Variants in UBAP2L observed in about 807,000 individuals in gnomAD.
UBAP2L encodes ubiquitin-associated protein 2-like.
In UBAP2L, 12 loss-of-function variants were observed where a neutral mutation model predicts 130.6. The ratio of observed to expected loss-of-function variants is 0.09; its 90% CI spans 0.06 to 0.15. The LOEUF (loss-of-function observed/expected upper bound fraction) is 0.15. UBAP2L is among the 10% of genes least tolerant of loss of function. The probability of loss-of-function intolerance (pLI) is 1.00; values close to 1 mark genes in which losing one functional copy is unlikely to be tolerated. For synonymous variants in UBAP2L, 503 were observed against 524.7 expected, an observed-to-expected ratio of 0.96 and a Z score of 0.57; for missense variants, 965 against 1,332.5, an observed-to-expected ratio of 0.72 and a Z score of 4.29.
At chr1:154,226,645 T>C (rs1165787662) in intron 2 of UBAP2L, among the ~76,000 whole-genome samples, 2 of 152,210 alleles carry the variant, frequency 1.3e-5, no homozygotes, top group Admixed American at 6.5e-5. Context: ...CGTTGGTTAT[T>C]ACAGAAATAA....
At chr1:154,263,021 C>A in intron 24 of UBAP2L, 2 of 1,342,372 alleles carry the variant, frequency 1.5e-6, no homozygotes, top group Admixed American at 2.4e-5. Context: ...TTATATCAGC[C>A]CTTGAGAACC....
At chr1:154,251,408 G>A in intron 13 of UBAP2L, 73 bp from the exon 14 acceptor site, 3 of 1,571,528 alleles carry the variant, frequency 1.9e-6, no homozygotes, top group Non-Finnish European at 2.6e-6. Context: ...GAAATTTAAA[G>A]GGAAGGGTTT....
intron 2 of UBAP2L, among the ~76,000 whole-genome samples, chr1:154,225,837 G>A (rs1667750021): frequency 6.6e-6 from 1 of 152,152 alleles, no homozygotes; most frequent in South Asian, 2.1e-4. Flanking sequence ...TTTTTGAGAC[G>A]GAGTCTCGCT....
At chr1:154,238,233 G>C (rs755483285) in intron 8 of UBAP2L, among the ~76,000 whole-genome samples, 1 of 152,166 alleles carries the variant, frequency 6.6e-6, no homozygotes, top group African/African-American at 2.4e-5. Flanking sequence ...TTCATGGGTG[G>C]AGGCTGAAGT....
chr1:154,251,764 G>GGCTT, intron 14 of UBAP2L, 111 bp downstream of exon 14: 3 of 1,227,406 alleles, frequency 2.4e-6, no homozygotes, highest in Non-Finnish European at 3.4e-6. Context: ...ATGGCTGAGG[G>GGCTT]GGAAAGTAGT....
In UBAP2L at chr1:154,257,110, T is replaced by C. The variant is rs1448443046; in HGVS notation, c.2205T>C (p.Thr735=). ...CGAATCTCCATTCTTCCTCCAGCACTTTTTCCACCACATCCAGCACAGTCT... is the reference window on the plus strand; with the variant it reads ...CGAATCTCCATTCTTCCTCCAGCACCTTTTCCACCACATCCAGCACAGTCT... ...SEANLHSSSS[T]FSTTSSTVSA... is the part of the protein sequence containing the mutation. The change falls in exon 19 of 27, where the codon ACT becomes ACC. Residue 735 remains threonine (T), a synonymous_variant. Coordinates refer to ENST00000428931, the MANE Select transcript of UBAP2L (RefSeq NM_014847.4). 5.6e-6 allele frequency: 9 copies of C among 1,614,056 alleles called. No individual in the cohort carries two copies. Among genetic ancestry groups the C allele is most frequent in the African/African-American group, 1.3e-5 (1 of 75,050 alleles).
intron 24 of UBAP2L, among the ~76,000 whole-genome samples, chr1:154,264,117 T>TAATTC (rs1682493519): frequency 6.6e-6 from 1 of 152,260 alleles, no homozygotes; most frequent in African/African-American, 2.4e-5. Flanking sequence ...ATGGAAATTC[T>TAATTC]AATTCCCTCC....
chr1:154,263,017 C>T (rs1682081037), intron 24 of UBAP2L: 1 of 1,295,368 alleles, frequency 7.7e-7, no homozygotes, highest in African/African-American at 1.5e-5. Flanking sequence ...CGTATTATAT[C>T]AGCCCTTGAG....
chr1:154,255,031 A>G, intron 16 of UBAP2L, 121 bp from the exon 17 acceptor site: 1 of 1,409,136 alleles, frequency 7.1e-7, no homozygotes, highest in Non-Finnish European at 9.7e-7. Flanking sequence ...ATTCTACCTA[A>G]TATAGTCCAT....
At chr1:154,266,151 T>A (rs1361661248) in intron 24 of UBAP2L, among the ~76,000 whole-genome samples, 1 of 152,142 alleles carries the variant, frequency 6.6e-6, no homozygotes, top group East Asian at 1.9e-4. Context: ...TGATTTGAAA[T>A]GGACATTAAA....
At chr1:154,235,877 G>A (rs1671505578) in intron 6 of UBAP2L, among the ~76,000 whole-genome samples, 1 of 151,312 alleles carries the variant, frequency 6.6e-6, no homozygotes, top group African/African-American at 2.5e-5. Context: ...TGAGGTTATA[G>A]GTGTGAGAGA....
At chr1:154,230,748 T>C (rs1669577189) in intron 4 of UBAP2L, among the ~76,000 whole-genome samples, 1 of 152,220 alleles carries the variant, frequency 6.6e-6, no homozygotes, top group Admixed American at 6.5e-5. Context: ...AACTAGCTAC[T>C]AGTGAAACCA....
chr1:154,233,019 T>C (rs1670363566), intron 4 of UBAP2L, among the ~76,000 whole-genome samples: 1 of 145,944 alleles, frequency 6.9e-6, no homozygotes, highest in Non-Finnish European at 1.5e-5. Flanking sequence ...CCTTTTTTTC[T>C]TTTTTTTTTT....
At chr1:154,226,321 A>C (rs1486630153) in intron 2 of UBAP2L, among the ~76,000 whole-genome samples, 2 of 152,276 alleles carry the variant, frequency 1.3e-5, no homozygotes, top group African/African-American at 2.4e-5. Context: ...AGTTTTAAAG[A>C]GTAAATTAAC....
At chr1:154,269,754 C>T (rs1028454358) in intron 26 of UBAP2L, 2 of 246,114 alleles carry the variant, frequency 8.1e-6, no homozygotes, top group African/African-American at 2.3e-5. Context: ...ATCTGTGGGG[C>T]GATGCAAGTG....
chr1:154,232,018 A>G (rs1669988664), intron 4 of UBAP2L, among the ~76,000 whole-genome samples: 1 of 152,088 alleles, frequency 6.6e-6, no homozygotes, highest in Admixed American at 6.6e-5. Flanking sequence ...GCCATGATTG[A>G]GTTTGATGGT....
chr1:154,220,298 G>A (rs765207763), upstream of UBAP2L: 7 of 1,608,356 alleles, frequency 4.4e-6, no homozygotes, highest in South Asian at 3.3e-5. Context: ...GGTCTCTACT[G>A]GGTAAGATGC....
chr1:154,227,272 C>G lies in UBAP2L; in HGVS notation c.91-10C>G, dbSNP rs79399896. The G allele has an allele frequency of 9.1e-4, 1,470 of 1,612,444 alleles. 24 individuals are homozygous for G. In the East Asian group the frequency reaches 0.032, roughly 35 times the overall value. Reference sequence around the variant, plus strand: ...TGATTATGCTTTCTTGATCTCATCTCAATTCCTAGGCCACTGCAGAACAAA... The same window carrying G: ...TGATTATGCTTTCTTGATCTCATCTGAATTCCTAGGCCACTGCAGAACAAA... On this transcript the variant is annotated splice_polypyrimidine_tract_variant and intron_variant, in intron 2 of 26. Transcript: ENST00000428931.
chr1:154,242,060 T>C (rs1471296334), intron 9 of UBAP2L, among the ~76,000 whole-genome samples: 1 of 152,174 alleles, frequency 6.6e-6, no homozygotes. Flanking sequence ...AACTGTATAA[T>C]TGTGATTGAG....
Sources: gnomAD v4.1 joint callset for allele counts (sites outside exome capture counted in the v4.1 genomes callset) on GRCh38, gnomAD v4.1.1 for gene constraint, MANE v1.5 for transcripts, NCBI Gene and HGNC (gene_info 2026-07-23, HGNC 2026-07-21) for gene names.